Variants in UACA observed in about 807,000 individuals in gnomAD.
UACA encodes uveal autoantigen with coiled-coil domains and ankyrin repeats, also known as nuclear membrane binding protein.
UACA carries 112 observed loss-of-function variants against 160.5 expected under a neutral mutation model. The ratio of observed to expected loss-of-function variants is 0.70; its 90% CI spans 0.60 to 0.82. The LOEUF (loss-of-function observed/expected upper bound fraction) is 0.82, where lower values mean the gene tolerates loss of function less well. Among genes scored for constraint, UACA ranks in the 40% least tolerant of loss-of-function variants. The pLI is 0.00. For missense variants in UACA, 1,574 were observed against 1,614.6 expected, an observed-to-expected ratio of 0.97 and a Z score of 0.43; for synonymous variants, 557 against 568.4, an observed-to-expected ratio of 0.98 and a Z score of 0.29.
chr15:70,704,453 G>A (rs1464475123), intron 1 of UACA, among the ~76,000 whole-genome samples: 4 of 152,170 alleles, frequency 2.6e-5, no homozygotes, highest in South Asian at 2.1e-4. Context: ...ATCCCACACC[G>A]CAAGTCTTTC....
Position 70,660,138 on chromosome 15 carries a change from A to G in UACA, c.4179+13T>C. 1 of 1,600,324 alleles carries G rather than the reference A, an allele frequency of 6.2e-7. No homozygotes were observed. Among genetic ancestry groups the G allele is most frequent in the Non-Finnish European group, 8.5e-7 (1 of 1,172,420 alleles). On this transcript the variant is annotated intron_variant, in intron 18 of 18. Transcript: ENST00000322954. Reference sequence around the variant, plus strand: ...AAAGCAATATTCTTTCCAAAGGAGAAGTAGTTCTTTACCTGTGCAGCACTA... The same window carrying G: ...AAAGCAATATTCTTTCCAAAGGAGAGGTAGTTCTTTACCTGTGCAGCACTA...
At chr15:70,689,926 TACC>T (rs1020186353) in intron 5 of UACA, among the ~76,000 whole-genome samples, 1 of 152,140 alleles carries the variant, frequency 6.6e-6, no homozygotes, top group African/African-American at 2.4e-5. Context: ...GGAAAACAAC[TACC>T]ACCATTAATT....
Position 70,668,008 on chromosome 15 carries a change from A to G in UACA, c.2676T>C (p.Asp892=), listed in dbSNP as rs377221680. 5.6e-6 allele frequency: 9 copies of G among 1,603,286 alleles called. No individual in the cohort carries two copies. The East Asian group carries it at 6.7e-5, about 12-fold the overall frequency. ...TTATTTTTACAAATTCCTGATTTAT[A>G]TCTTCAAATTTTTTCTTCACATCTA... The part of the protein sequence containing the change: ...ELLDVKKKFE[D]INQEFVKIKD... The change falls in exon 16 of 19, where the codon GAT becomes GAC. Residue 892 remains aspartate (D), a synonymous_variant. Coordinates refer to ENST00000322954, the MANE Select transcript of UACA (RefSeq NM_018003.4).
rs966593060 is a variant in UACA at position 70,763,545 on chromosome 15, C to A, written c.-138G>T. 2 of 1,244,568 alleles carry A rather than the reference C, an allele frequency of 1.6e-6. No individual in the cohort carries two copies. The highest frequency in any genetic ancestry group is 3.7e-5 in the South Asian group (1 of 27,364). 77.1% of individuals were successfully genotyped at this position (1,244,568 alleles called of 1,614,324 possible). On this transcript the variant is annotated 5_prime_UTR_variant, in exon 1 of 19. Coordinates refer to ENST00000322954, the MANE Select transcript of UACA (RefSeq NM_018003.4). ...CTGCCTGCCACCTGCGGGCCCCGGG[C>A]AGCAGACGTCGACAGGCCTGAGGCG...
At chr15:70,773,819 A>G in the UACA span, among the ~76,000 whole-genome samples, 1 of 152,216 alleles carries the variant, frequency 6.6e-6, no homozygotes, top group Non-Finnish European at 1.5e-5. Flanking sequence ...CAAAATATCA[A>G]CTTGGTCTGC....
intron 1 of UACA, among the ~76,000 whole-genome samples, chr15:70,740,614 G>A (rs917953170): frequency 3.5e-5 from 5 of 143,322 alleles, no homozygotes; most frequent in African/African-American, 1.3e-4. Flanking sequence ...CTCCAGCCTG[G>A]GTGACAAAGC....
At chr15:70,740,361 C>T (rs1383588054) in intron 1 of UACA, among the ~76,000 whole-genome samples, 1 of 151,918 alleles carries the variant, frequency 6.6e-6, no homozygotes, top group East Asian at 1.9e-4. Flanking sequence ...CACCTGTAAT[C>T]CCAGAACTTT....
chr15:70,666,355 T>C (rs977669584), intron 16 of UACA, among the ~76,000 whole-genome samples: 7 of 152,190 alleles, frequency 4.6e-5, no homozygotes, highest in Non-Finnish European at 4.4e-5. Flanking sequence ...AGATCAACTC[T>C]AGATGCTCCC....
At chr15:70,691,246 T>A in intron 4 of UACA, 53 bp downstream of exon 4, 1 of 1,288,712 alleles carries the variant, frequency 7.8e-7, no homozygotes, top group Non-Finnish European at 1.1e-6. Context: ...TAAAAGTACA[T>A]CTATGATTTG....
At chr15:70,718,281 AGGGAGAGAGG>A (rs1298508840) in intron 1 of UACA, among the ~76,000 whole-genome samples, 3 of 133,050 alleles carry the variant, frequency 2.3e-5, no homozygotes, top group Admixed American at 7.7e-5. Context: ...AGGGGGAGAG[AGGGAGAGAGG>A]AAGGGAGAGA....
chr15:70,691,275 T>C, intron 4 of UACA, 24 bp downstream of exon 4: 2 of 1,530,468 alleles, frequency 1.3e-6, no homozygotes, highest in Non-Finnish European at 1.8e-6. Context: ...ATAATAAAGC[T>C]AAAGTATTAA....
intron 1 of UACA, chr15:70,702,214 A>G: frequency 1.8e-6 from 2 of 1,123,822 alleles, no homozygotes; most frequent in South Asian, 3.3e-5. Context: ...GCTATCTTTC[A>G]AAGTTGTCCC....
At chr15:70,763,812 T>C (rs930388734), upstream of UACA, among the ~76,000 whole-genome samples, 1 of 152,252 alleles carries the variant, frequency 6.6e-6, no homozygotes, top group Non-Finnish European at 1.5e-5. Flanking sequence ...CACCCGGAGC[T>C]TAAGATCTAG....
Position 70,657,111 on chromosome 15 carries a change from T to G in UACA, c.4196A>C (p.Asp1399Ala). The part of the protein sequence containing the change: ...LSAAQGHMDE[D>A]VQEALLQIIQ... ...GATCTGGAGCAGAGCCTCCTGAACATCTTCATCCATGTGACCCTTCGGAGA... is the reference window on the plus strand; with the variant it reads ...GATCTGGAGCAGAGCCTCCTGAACAGCTTCATCCATGTGACCCTTCGGAGA... The change falls in exon 19 of 19, where the codon GAT becomes GCT. Residue 1399 changes from aspartate to alanine, a missense_variant. Transcript: ENST00000322954. 6.2e-7 allele frequency: 1 copy of G among 1,614,110 alleles called. No individual in the cohort carries two copies. The highest frequency in any genetic ancestry group is 8.5e-7 in the Non-Finnish European group (1 of 1,179,980).
chr15:70,674,602 T>C (rs368870380), intron 13 of UACA, among the ~76,000 whole-genome samples: 83 of 149,318 alleles, frequency 5.6e-4, no homozygotes, highest in African/African-American at 1.9e-3. Flanking sequence ...AAAAACATCT[T>C]TTTTTTTCTT....
chr15:70,767,681 G>C (rs1226754806), upstream of UACA, among the ~76,000 whole-genome samples: 1 of 152,050 alleles, frequency 6.6e-6, no homozygotes, highest in Non-Finnish European at 1.5e-5. Flanking sequence ...ACAAGCTTTA[G>C]TTATGAATTC....
At chr15:70,773,574 C>A in the UACA span, among the ~76,000 whole-genome samples, 1 of 152,092 alleles carries the variant, frequency 6.6e-6, no homozygotes, top group African/African-American at 2.4e-5. Flanking sequence ...CAGTTAGGAG[C>A]TTGGACATGT....
the UACA span, among the ~76,000 whole-genome samples, chr15:70,776,321 C>T: frequency 6.6e-6 from 1 of 152,010 alleles, no homozygotes; most frequent in Non-Finnish European, 1.5e-5. Context: ...AAGTGCCAGG[C>T]ACTGTTTAGA....
intron 1 of UACA, among the ~76,000 whole-genome samples, chr15:70,721,077 G>A (rs1478471810): frequency 1.3e-5 from 2 of 152,202 alleles, no homozygotes; most frequent in Non-Finnish European, 2.9e-5. Context: ...TGTTTCTGCA[G>A]TGAAGTTGAT....
Sources: gnomAD v4.1 joint callset for allele counts (sites outside exome capture counted in the v4.1 genomes callset) on GRCh38, gnomAD v4.1.1 for gene constraint, MANE v1.5 for transcripts, NCBI Gene and HGNC (gene_info 2026-07-23, HGNC 2026-07-21) for gene names.